Variants in SPECC1 observed in about 807,000 individuals in gnomAD.
SPECC1 encodes the protein sperm antigen with calponin homology and coiled-coil domains 1.
A neutral mutation model predicts 104.1 loss-of-function variants in SPECC1; 62 were observed. That is an observed-to-expected ratio of 0.60 (90% CI 0.49 to 0.74). SPECC1 has a LOEUF of 0.74. Ranked by LOEUF, SPECC1 falls within the 30% of genes least tolerant of loss-of-function variation. The pLI is 0.00. For missense variants in SPECC1, 1,306 were observed against 1,310.5 expected (o/e 1.00, Z 0.05); for synonymous variants, 513 against 501.6 (o/e 1.02, Z -0.30).
intron 12 of SPECC1, among the ~76,000 whole-genome samples, chr17:20,274,357 C>G (rs2040504961): frequency 6.6e-6 from 1 of 152,172 alleles, no homozygotes; most frequent in Non-Finnish European, 1.5e-5. Flanking sequence ...GGGCCTCAGC[C>G]AGGGTCCTGT....
At chr17:20,111,903 T>G in intron 3 of SPECC1, 1 of 792,334 alleles carries the variant, frequency 1.3e-6, no homozygotes, top group Non-Finnish European at 2.3e-6. Context: ...TTATCTGATT[T>G]GCTTTCTGTG....
At chr17:20,154,728 A>C (rs1421252793) in intron 3 of SPECC1, among the ~76,000 whole-genome samples, 3 of 152,220 alleles carry the variant, frequency 2.0e-5, no homozygotes, top group Non-Finnish European at 4.4e-5. Flanking sequence ...AGGCAAGGGC[A>C]GGAGAAGTGA....
rs2043997246 is a variant in SPECC1, at chr17:20,013,109, G to T, written c.-22+3685G>T. Among the ~76,000 whole-genome samples, 2 of 152,056 alleles carry T rather than the reference G, an allele frequency of 1.3e-5. 1 individual carries two copies. The highest frequency in any genetic ancestry group is 4.1e-4 in the South Asian group (2 of 4,820). On this transcript the variant is annotated intron_variant, in intron 1 of 14. Coordinates refer to ENST00000395527, the MANE Select transcript of SPECC1 (RefSeq NM_001243439.2). ...TTTGCTTATCCATATATTTATCAAA[G>T]GATATTTATGTTGGTTCCACATCAT...
intron 1 of SPECC1, among the ~76,000 whole-genome samples, chr17:20,031,488 T>G (rs917489516): frequency 2.3e-4 from 35 of 151,978 alleles, no homozygotes. Context: ...CCCAGCTAAT[T>G]TTTTTGTATT....
intron 1 of SPECC1, among the ~76,000 whole-genome samples, chr17:20,051,047 GTTCTTTCTTTCTTTCTTTCTTTTTCT>G (rs2045721233): frequency 1.4e-5 from 2 of 143,128 alleles, no homozygotes; most frequent in African/African-American, 5.2e-5. Context: ...TAAGCACTTG[GTTCTTTCTTTCTTTCTTTCTTTTTCT>G]TTCTTTCTTT....
At chr17:20,232,815 G>A (rs140450334) in intron 7 of SPECC1, among the ~76,000 whole-genome samples, 256 of 152,314 alleles carry the variant, frequency 1.7e-3, no homozygotes, top group African/African-American at 5.7e-3. Flanking sequence ...AGGAGCCGCC[G>A]GAGAAGGACA....
intron 13 of SPECC1, 80 bp downstream of exon 13, chr17:20,297,157 G>A (rs991110712): frequency 1.4e-5 from 17 of 1,243,018 alleles, no homozygotes; most frequent in African/African-American, 3.0e-5. Context: ...GTGGGAGGGG[G>A]CTTACAGGCC....
chr17:20,137,236 G>A (rs1046122673), intron 3 of SPECC1, among the ~76,000 whole-genome samples: 7 of 152,184 alleles, frequency 4.6e-5, no homozygotes, highest in Non-Finnish European at 7.3e-5. Context: ...TTTAGGAACC[G>A]TCCCCTTTCT....
At chr17:20,148,221 G>T (rs1407670612) in intron 3 of SPECC1, among the ~76,000 whole-genome samples, 1 of 152,026 alleles carries the variant, frequency 6.6e-6, no homozygotes, top group Non-Finnish European at 1.5e-5. Context: ...AAGATTTTTG[G>T]TAATATGATA....
chr17:20,251,197 C>T (rs1374300638), intron 9 of SPECC1, among the ~76,000 whole-genome samples: 1 of 94,872 alleles, frequency 1.1e-5, no homozygotes, highest in Non-Finnish European at 2.1e-5. Context: ...CCATTCCACT[C>T]CTGGGCGACA....
intron 12 of SPECC1, among the ~76,000 whole-genome samples, chr17:20,267,111 C>T (rs1364394054): frequency 2.0e-5 from 3 of 152,100 alleles, no homozygotes; most frequent in Non-Finnish European, 4.4e-5. Flanking sequence ...AAGTGAGGCC[C>T]AGTTCACTAA....
intron 14 of SPECC1, among the ~76,000 whole-genome samples, chr17:20,310,509 G>T (rs962495271): frequency 6.6e-6 from 1 of 152,214 alleles, no homozygotes; most frequent in South Asian, 2.1e-4. Flanking sequence ...CTCAGCCACC[G>T]TGTAAGGAGA....
intron 3 of SPECC1, among the ~76,000 whole-genome samples, chr17:20,203,724 C>G (rs1447342593): frequency 2.0e-5 from 3 of 152,128 alleles, no homozygotes; most frequent in African/African-American, 4.8e-5. Flanking sequence ...TGTCAAAAGG[C>G]CATTGTTTTT....
intron 1 of SPECC1, among the ~76,000 whole-genome samples, chr17:20,047,431 T>C (rs1433537494): frequency 6.6e-6 from 1 of 152,202 alleles, no homozygotes; most frequent in Admixed American, 6.5e-5. Flanking sequence ...CTGGTTGGAC[T>C]CTACTGATTT....
intron 12 of SPECC1, among the ~76,000 whole-genome samples, chr17:20,263,318 A>G (rs940165705): frequency 2.9e-5 from 4 of 139,382 alleles, no homozygotes; most frequent in Admixed American, 7.6e-5. Flanking sequence ...CAGTTGAACA[A>G]TGTGAACACT....
intron 9 of SPECC1, among the ~76,000 whole-genome samples, chr17:20,248,818 A>G (rs1008867320): frequency 6.6e-6 from 1 of 152,178 alleles, no homozygotes; most frequent in Non-Finnish European, 1.5e-5. Context: ...ATTAATAGTT[A>G]TCTTTTACTG....
intron 3 of SPECC1, among the ~76,000 whole-genome samples, chr17:20,183,300 A>G (rs2035036102): frequency 6.6e-6 from 1 of 152,212 alleles, no homozygotes; most frequent in South Asian, 2.1e-4. Context: ...TTATAAAGCA[A>G]TCCGGCAATA....
intron 1 of SPECC1, among the ~76,000 whole-genome samples, chr17:20,044,406 A>C (rs559690148): frequency 5.3e-5 from 8 of 152,300 alleles, no homozygotes; most frequent in Admixed American, 4.6e-4. Flanking sequence ...TTCAGCCTCT[A>C]CTTGGGAGAT....
intron 3 of SPECC1, among the ~76,000 whole-genome samples, chr17:20,151,651 C>G (rs967533005): frequency 6.6e-6 from 1 of 152,306 alleles, no homozygotes; most frequent in Middle Eastern, 3.4e-3. Context: ...CTCTTTGATT[C>G]CACAGGAAAT....
Sources: gnomAD v4.1 joint callset for allele counts (sites outside exome capture counted in the v4.1 genomes callset) on GRCh38, gnomAD v4.1.1 for gene constraint, MANE v1.5 for transcripts, NCBI Gene and HGNC (gene_info 2026-07-23, HGNC 2026-07-21) for gene names.